The following CCDC91 variants were observed in gnomAD, a reference collection of about 807,000 sequenced individuals.
The protein encoded by CCDC91 is coiled-coil domain containing 91.
In CCDC91, 48 loss-of-function variants were observed where a neutral mutation model predicts 63.2. That is an observed-to-expected ratio of 0.76 (90% CI 0.60 to 0.97). The LOEUF (loss-of-function observed/expected upper bound fraction) is 0.97. CCDC91 is among the 50% of genes least tolerant of loss of function. The pLI is 0.00. For synonymous variants in CCDC91, 167 were observed against 165.8 expected (o/e 1.01, Z -0.06); for missense variants, 500 against 494.6 (o/e 1.01, Z -0.10).
chr12:28,534,721 A>C (rs547081063), intron 12 of CCDC91, among the ~76,000 whole-genome samples: 40 of 152,306 alleles, frequency 2.6e-4, no homozygotes, highest in South Asian at 1.7e-3. Flanking sequence ...TTTTAGACTA[A>C]TCCATGAACT....
chr12:28,377,202 G>C (rs1945003314), intron 7 of CCDC91, among the ~76,000 whole-genome samples: 1 of 151,138 alleles, frequency 6.6e-6, no homozygotes, highest in Non-Finnish European at 1.5e-5. Flanking sequence ...CTCATCTAGA[G>C]AGGTTTTTAA....
chr12:28,326,730 C>T (rs1297983419), intron 6 of CCDC91, among the ~76,000 whole-genome samples: 2 of 151,880 alleles, frequency 1.3e-5, no homozygotes, highest in African/African-American at 4.8e-5. Flanking sequence ...GAAAATTCCA[C>T]AGCTAATTTT....
intron 12 of CCDC91, among the ~76,000 whole-genome samples, chr12:28,518,013 C>T (rs565678136): frequency 3.9e-5 from 6 of 151,988 alleles, no homozygotes; most frequent in African/African-American, 1.2e-4. Flanking sequence ...ATGTAGACCA[C>T]GGTTTCTTTA....
chr12:28,222,835 G>T (rs1944035297), intron 1 of CCDC91, among the ~76,000 whole-genome samples: 1 of 152,006 alleles, frequency 6.6e-6, no homozygotes, highest in Admixed American at 6.6e-5. Flanking sequence ...ACTGCACTTG[G>T]GTGGCTCTTA....
At chr12:28,467,039 T>G (rs12315564) in intron 11 of CCDC91, among the ~76,000 whole-genome samples, 22 of 152,160 alleles carry the variant, frequency 1.4e-4, no homozygotes, top group African/African-American at 4.8e-4. Flanking sequence ...GAGCTTAAAA[T>G]AACGGGTACT....
At chr12:28,436,807 A>G (rs1439565555) in intron 8 of CCDC91, among the ~76,000 whole-genome samples, 1 of 151,846 alleles carries the variant, frequency 6.6e-6, no homozygotes, top group Admixed American at 6.6e-5. Flanking sequence ...GAAATCTAAC[A>G]TGTTCTGTAG....
chr12:28,325,477 A>G (rs1940902798), intron 6 of CCDC91, among the ~76,000 whole-genome samples: 1 of 152,054 alleles, frequency 6.6e-6, no homozygotes, highest in Non-Finnish European at 1.5e-5. Flanking sequence ...TAAGAAAGAC[A>G]GTGTTTAATA....
At chr12:28,384,440 A>G (rs1280858866) in intron 7 of CCDC91, among the ~76,000 whole-genome samples, 4 of 152,108 alleles carry the variant, frequency 2.6e-5, no homozygotes, top group Non-Finnish European at 4.4e-5. Flanking sequence ...ATCAGTTTCT[A>G]ACTTCCATGC....
At chr12:28,471,382 C>T (rs927256366) in intron 11 of CCDC91, among the ~76,000 whole-genome samples, 11 of 152,020 alleles carry the variant, frequency 7.2e-5, no homozygotes, top group South Asian at 2.1e-4. Flanking sequence ...AAACTTTTAC[C>T]TCTCATATGT....
At chr12:28,221,372 T>G (rs1381042161) in intron 1 of CCDC91, among the ~76,000 whole-genome samples, 2 of 151,840 alleles carry the variant, frequency 1.3e-5, no homozygotes, top group African/African-American at 4.9e-5. Context: ...TTTCTGTGTC[T>G]GTTTCTATCA....
At chr12:28,245,115 A>G (rs954355392) in intron 1 of CCDC91, among the ~76,000 whole-genome samples, 8 of 152,070 alleles carry the variant, frequency 5.3e-5, no homozygotes, top group African/African-American at 1.7e-4. Flanking sequence ...AAACTTAACC[A>G]TGGTATATCT....
intron 1 of CCDC91, among the ~76,000 whole-genome samples, chr12:28,221,622 A>G (rs1020402116): frequency 2.0e-5 from 3 of 152,170 alleles, no homozygotes; most frequent in African/African-American, 7.2e-5. Context: ...TTTAGGTCTA[A>G]TACAGCCCCA....
At chr12:28,268,013 T>G (rs1235819835) in intron 3 of CCDC91, among the ~76,000 whole-genome samples, 1 of 128,870 alleles carries the variant, frequency 7.8e-6, no homozygotes, top group Non-Finnish European at 1.6e-5. Flanking sequence ...AATTATATGA[T>G]TAATAATTTA....
chr12:28,398,502 T>C (rs938617895), intron 8 of CCDC91, among the ~76,000 whole-genome samples: 1 of 152,206 alleles, frequency 6.6e-6, no homozygotes, highest in African/African-American at 2.4e-5. Context: ...TGGGGATATA[T>C]ATGTTTTTAT....
chr12:28,385,990 T>C (rs1394925821), intron 7 of CCDC91, among the ~76,000 whole-genome samples: 1 of 152,210 alleles, frequency 6.6e-6, no homozygotes, highest in Admixed American at 6.5e-5. Context: ...GAGTTTATAA[T>C]ATACTTTTCC....
At chr12:28,306,719 ATT>A (rs745523810) in intron 4 of CCDC91, 21 bp from the exon 5 acceptor site, 107 of 1,170,792 alleles carry the variant, frequency 9.1e-5, no homozygotes, top group Admixed American at 1.4e-4. Context: ...TCTCTTGTGT[ATT>A]TTTTTTTTTA....
At chr12:28,227,516 C>G (rs1272458371) in intron 1 of CCDC91, among the ~76,000 whole-genome samples, 2 of 151,902 alleles carry the variant, frequency 1.3e-5, no homozygotes, top group Admixed American at 1.3e-4. Context: ...ATTGAAACCT[C>G]GAACTCAAAT....
In CCDC91 at chr12:28,440,186, G is replaced by A. The variant is rs144274119; in HGVS notation, c.763-9975G>A. On this transcript the variant is annotated intron_variant, in intron 8 of 12. Coordinates refer to ENST00000536442, the MANE Select transcript of CCDC91 (RefSeq NM_018318.5). The stretch of plus-strand genomic sequence containing the variant: ...GACCACATGTAACCTATGTTACCGT[G>A]AAAACAAAGCAATATTAACTTTTCC... 2.0e-5 allele frequency among the ~76,000 whole-genome samples: 3 copies of A among 152,262 alleles called. No homozygotes were observed. In the East Asian group the frequency reaches 5.8e-4, roughly 29 times the overall value.
chr12:28,311,450 C>T (rs1203211377), intron 6 of CCDC91, among the ~76,000 whole-genome samples: 2 of 151,966 alleles, frequency 1.3e-5, no homozygotes, highest in Non-Finnish European at 2.9e-5. Context: ...GATACCACAT[C>T]GAGGTCATCT....
Sources: allele counts gnomAD v4.1 joint callset (sites outside exome capture counted in the v4.1 genomes callset), GRCh38; gene constraint gnomAD v4.1.1; transcripts MANE v1.5; gene names NCBI Gene and HGNC (gene_info 2026-07-23, HGNC 2026-07-21).